NFKBIA: variants seen among roughly 807,000 people sequenced by gnomAD.
The protein encoded by NFKBIA is NF-kappa-B inhibitor alpha.
A neutral mutation model predicts 36.3 loss-of-function variants in NFKBIA; 10 were observed. That is an observed-to-expected ratio of 0.28 (90% CI 0.17 to 0.47). NFKBIA has a LOEUF of 0.47. Among genes scored for constraint, NFKBIA ranks in the 20% least tolerant of loss-of-function variants. The probability of loss-of-function intolerance (pLI) is 0.99; values close to 1 mark genes in which losing one functional copy is unlikely to be tolerated. For synonymous variants in NFKBIA, 205 were observed against 164.4 expected, an observed-to-expected ratio of 1.25 and a Z score of -1.89; for missense variants, 355 against 399.3, an observed-to-expected ratio of 0.89 and a Z score of 0.94.
chr14:35,401,734 A>G lies in NFKBIA; in HGVS notation c.*279T>C, dbSNP rs1272921223. The stretch of plus-strand genomic sequence containing the variant: ...AATAAATATAAAATGTGGTCCTTCC[A>G]TGAAATTTTTGATAACCTTCTCCAA... On this transcript the variant is annotated 3_prime_UTR_variant, in exon 6 of 6. Coordinates refer to ENST00000216797, the MANE Select transcript of NFKBIA (RefSeq NM_020529.3). 6 of 516,472 alleles carry G rather than the reference A, an allele frequency of 1.2e-5. No individual in the cohort carries two copies. The highest frequency in any genetic ancestry group is 1.9e-5 in the African/African-American group (1 of 52,392). 32.0% of individuals were successfully genotyped at this position (516,472 alleles called of 1,614,324 possible).
intron 2 of NFKBIA, 131 bp from the exon 3 acceptor site, chr14:35,403,491 C>T: frequency 9.7e-7 from 1 of 1,031,774 alleles, no homozygotes; most frequent in Non-Finnish European, 1.5e-6. Context: ...TGGCAAATAG[C>T]AGAGGCTCCA....
rs1269100017 is a variant in NFKBIA at position 35,404,501 on chromosome 14, C to T, written c.144G>A (p.Glu48=). 1 of 1,604,108 alleles carries T rather than the reference C, an allele frequency of 6.2e-7. No homozygotes were observed. Among genetic ancestry groups the T allele is most frequent in the African/African-American group, 1.3e-5 (1 of 74,174 alleles). Residue 48 remains glutamate (E), a synonymous_variant, in exon 1 of 6, where the codon GAG becomes GAA. Transcript: ENST00000216797. The part of the protein sequence containing the change: ...KDEEYEQMVK[E]LQEIRLEPQE... ...GCGGCTCGAGGCGGATCTCCTGCAG[C>T]TCCTTGACCATCTGCTCGTACTCCT...
chr14:35,401,923 A>T lies in NFKBIA; in HGVS notation c.*90T>A. On this transcript the variant is annotated 3_prime_UTR_variant, in exon 6 of 6. Coordinates refer to ENST00000216797, the MANE Select transcript of NFKBIA (RefSeq NM_020529.3). Reference sequence around the variant, plus strand: ...CAGTGTGGATATAAGTACACCCTTTAAATTTTTTCTTCTTTTTTCTTTTTT... The same window carrying T: ...CAGTGTGGATATAAGTACACCCTTTTAATTTTTTCTTCTTTTTTCTTTTTT... 6.7e-7 allele frequency: 1 copy of T among 1,482,276 alleles called. No homozygotes were observed. Among genetic ancestry groups the T allele is most frequent in the Non-Finnish European group, 9.3e-7 (1 of 1,069,550 alleles). The allele number at this position is 1,482,276 out of a possible 1,614,324, so 91.8% of individuals were successfully genotyped here.
intron 1 of NFKBIA, chr14:35,404,049 T>G: frequency 3.3e-5 from 16 of 487,480 alleles, no homozygotes; most frequent in Non-Finnish European, 4.1e-5. Flanking sequence ...CGCCCTGTAC[T>G]TCCCCTCCCG....
rs1483010597 is a variant in NFKBIA, at chr14:35,402,676, G to A, written c.637-13C>T. 4 of 1,614,220 alleles carry A rather than the reference G, an allele frequency of 2.5e-6. No individual in the cohort carries two copies. In the Admixed American group the frequency reaches 5.0e-5, roughly 20 times the overall value. The stretch of plus-strand genomic sequence containing the variant: ...CATTACAGGGCTCCTGAAACCAAAA[G>A]GAATTTGAGATGCTTATGGCTGCAT... On this transcript the variant is annotated splice_polypyrimidine_tract_variant and intron_variant, in intron 4 of 5. Coordinates refer to ENST00000216797, the MANE Select transcript of NFKBIA (RefSeq NM_020529.3).
chr14:35,404,395 A>G (rs759082996), intron 1 of NFKBIA, 23 bp downstream of exon 1: 2 of 420,158 alleles, frequency 4.8e-6, no homozygotes, highest in East Asian at 1.1e-4. Context: ...GACGACCCCC[A>G]GCCCCGGGCC....
In NFKBIA at chr14:35,403,672, G is replaced by A. The variant is rs757455969; in HGVS notation, c.336+18C>T. The A allele has an allele frequency of 3.2e-6, 5 of 1,584,136 alleles. No homozygotes were observed. The Admixed American group carries it at 5.1e-5, about 16-fold the overall frequency. On this transcript the variant is annotated intron_variant, in intron 2 of 5. Coordinates refer to ENST00000216797, the MANE Select transcript of NFKBIA (RefSeq NM_020529.3). Reference sequence around the variant, plus strand: ...CGTCCCAGGGTCAGAGAGAACCCGGGCCAGGCAAGCGGCGCACCTGCTGCA... The same window carrying A: ...CGTCCCAGGGTCAGAGAGAACCCGGACCAGGCAAGCGGCGCACCTGCTGCA...
rs2052738424 is a variant in NFKBIA, at chr14:35,402,418, C to A, written c.882G>T (p.Glu294Asp). 1.9e-6 allele frequency: 3 copies of A among 1,614,080 alleles called. No individual in the cohort carries two copies. The highest frequency in any genetic ancestry group is 3.3e-5 in the Admixed American group (2 of 59,996). ...EDEESYDTES[E>D]FTEFTEDELP... ...CCTCGTCCTCTGTGAACTCCGTGAA[C>A]TCTGACTCTGTGTCATAGCTCTCCT... The change falls in exon 5 of 6, where the codon GAG (glutamate) becomes GAT (aspartate). Residue 294 changes from glutamate (E) to aspartate (D), a missense_variant. Physicochemically the swap from Glu to Asp is conservative, Grantham distance 45. Transcript: ENST00000216797.
At position 35,404,360 on chromosome 14, in the gene NFKBIA, C is replaced by A. The variant is rs1487688034; in HGVS notation, c.227+58G>T. ...CTCCAGGCCCGGCGCCTCCCACCCC[C>A]AGGCCGCGCGCGTCCCGCCCTCCCG... On this transcript the variant is annotated intron_variant, in intron 1 of 5. Coordinates refer to ENST00000216797, the MANE Select transcript of NFKBIA (RefSeq NM_020529.3). 6 of 1,076,864 alleles carry A rather than the reference C, an allele frequency of 5.6e-6. 1 individual carries two copies. The highest frequency in any genetic ancestry group is 5.5e-4 in the Middle Eastern group (2 of 3,622). The allele number at this position is 1,076,864 out of a possible 1,614,324, so 66.7% of individuals were successfully genotyped here. A position where few individuals can be genotyped will look rare whatever the true frequency, so the allele number is the denominator to read the frequency against.
In NFKBIA at chr14:35,403,812, A is replaced by T; in HGVS notation, c.228-14T>A. Reference sequence around the variant, plus strand: ...AAGTGCAGGAACCTGTGGGGAAGAGAGGGAAAAACCCCAGGGGTGGTGAGT... The same window carrying T: ...AAGTGCAGGAACCTGTGGGGAAGAGTGGGAAAAACCCCAGGGGTGGTGAGT... On this transcript the variant is annotated splice_polypyrimidine_tract_variant and intron_variant, in intron 1 of 5. Coordinates refer to ENST00000216797, the MANE Select transcript of NFKBIA (RefSeq NM_020529.3). 1 of 1,599,858 alleles carries T rather than the reference A, an allele frequency of 6.3e-7. No homozygotes were observed. Among genetic ancestry groups the T allele is most frequent in the Non-Finnish European group, 8.6e-7 (1 of 1,168,892 alleles).
At chr14:35,402,722 A>G (rs775160752) in intron 4 of NFKBIA, 49 bp downstream of exon 4, 19 of 1,613,938 alleles carry the variant, frequency 1.2e-5, no homozygotes, top group Non-Finnish European at 1.6e-5. Flanking sequence ...TGCTCACAAC[A>G]TAAGCACGAG....
chr14:35,403,486 A>G, intron 2 of NFKBIA, 126 bp from the exon 3 acceptor site: 1 of 1,076,158 alleles, frequency 9.3e-7, no homozygotes, highest in Non-Finnish European at 1.4e-6. Flanking sequence ...AGGGCTGGCA[A>G]ATAGCAGAGG....
chr14:35,403,537 T>C, intron 2 of NFKBIA, 153 bp downstream of exon 2: 1 of 879,526 alleles, frequency 1.1e-6, no homozygotes, highest in Non-Finnish European at 1.9e-6. Flanking sequence ...TCAGTGGAAT[T>C]TCCTTCACTC....
At chr14:35,404,109 A>T (rs1189973179) in intron 1 of NFKBIA, 32 of 404,694 alleles carry the variant, frequency 7.9e-5, no homozygotes, top group Non-Finnish European at 9.0e-6. Flanking sequence ...GCCTTATGCA[A>T]CCGGGGACTT....
rs747273949 is a variant in NFKBIA, at chr14:35,402,510, G to C, written c.790C>G (p.Arg264Gly). The change falls in exon 5 of 6, where the codon CGG becomes GGG. Residue 264 changes from arginine (R) to glycine (G), a missense_variant. Coordinates refer to ENST00000216797, the MANE Select transcript of NFKBIA (RefSeq NM_020529.3). ...AGCTGGCCCAGCTGCTGCTGTATCCGGGTGCTTGGGCGGCCCCAGGTGAGC... is the reference window on the plus strand; with the variant it reads ...AGCTGGCCCAGCTGCTGCTGTATCCCGGTGCTTGGGCGGCCCCAGGTGAGC... ...YQLTWGRPSTRIQQQLGQLTL... is the reference protein window; with the variant it reads ...YQLTWGRPSTGIQQQLGQLTL... 6.2e-7 allele frequency: 1 copy of C among 1,614,194 alleles called. No homozygotes were observed. The highest frequency in any genetic ancestry group is 8.5e-7 in the Non-Finnish European group (1 of 1,180,036).
chr14:35,402,011 G>C lies in NFKBIA; in HGVS notation c.*2C>G, dbSNP rs8904. ...GTCCATGTTCTTTCAGCCCCTTTGC[G>C]CTCATAACGTCAGACGCTGGCCTCC... On this transcript the variant is annotated 3_prime_UTR_variant, in exon 6 of 6. Transcript: ENST00000216797. The C allele has an allele frequency of 6.2e-7, 1 of 1,613,202 alleles. No individual in the cohort carries two copies. The highest frequency in any genetic ancestry group is 8.5e-7 in the Non-Finnish European group (1 of 1,179,712).
chr14:35,402,766 C>T lies in NFKBIA; in HGVS notation c.636+5G>A, dbSNP rs1290714319. 4 of 1,614,032 alleles carry T rather than the reference C, an allele frequency of 2.5e-6. No individual in the cohort carries two copies. Among genetic ancestry groups the T allele is most frequent in the Middle Eastern group, 3.3e-4 (2 of 6,062 alleles). ...CTCAGTGCGTCGGGGGCAGGAAGCA[C>T]CAACCTGAGCATTGACATCAGCACC... On this transcript the variant is annotated splice_donor_5th_base_variant and intron_variant, in intron 4 of 5. Transcript: ENST00000216797.
Position 35,404,480 on chromosome 14 carries a change from C to T in NFKBIA, c.165G>A (p.Glu55=). The change falls in exon 1 of 6, where the codon GAG becomes GAA. Residue 55 remains glutamate (E), a synonymous_variant. Coordinates refer to ENST00000216797, the MANE Select transcript of NFKBIA (RefSeq NM_020529.3). ...CCGAGCCGCGCGGCACCTCCTGCGG[C>T]TCGAGGCGGATCTCCTGCAGCTCCT... The part of the protein sequence containing the change: ...MVKELQEIRL[E]PQEVPRGSEP... 6.2e-7 allele frequency: 1 copy of T among 1,602,714 alleles called. No individual in the cohort carries two copies. The highest frequency in any genetic ancestry group is 8.5e-7 in the Non-Finnish European group (1 of 1,175,122).
rs1039494165 is a variant in NFKBIA at position 35,401,894 on chromosome 14, T to C, written c.*119A>G. 45 of 1,120,216 alleles carry C rather than the reference T, an allele frequency of 4.0e-5. 1 individual carries two copies. In the South Asian group the frequency reaches 4.8e-4, roughly 12 times the overall value. 69.4% of individuals were successfully genotyped at this position (1,120,216 alleles called of 1,614,324 possible). On this transcript the variant is annotated 3_prime_UTR_variant, in exon 6 of 6. Transcript: ENST00000216797. ...CAATAAGACGTTTTGGGCCAGGCAG[T>C]GTGCAGTGTGGATATAAGTACACCC...
Sources: gnomAD v4.1 joint callset for allele counts on GRCh38, gnomAD v4.1.1 for gene constraint, MANE v1.5 for transcripts, NCBI Gene and HGNC (gene_info 2026-07-23, HGNC 2026-07-21) for gene names.